Variants in KAZN observed in about 807,000 individuals in gnomAD.
KAZN encodes kazrin.
Under a neutral mutation model 87.4 loss-of-function variants are expected in KAZN, and 40 were observed. That is an observed-to-expected ratio of 0.46 (90% CI 0.36 to 0.60). The LOEUF is 0.60. KAZN is among the 20% of genes least tolerant of loss of function. KAZN has a pLI of 0.00. For synonymous variants in KAZN, 466 were observed against 458.3 expected, an observed-to-expected ratio of 1.02 and a Z score of -0.22; for missense variants, 898 against 1,073.9, an observed-to-expected ratio of 0.84 and a Z score of 2.29.
chr1:13,953,109 C>T (rs557228299), intron 1 of KAZN, among the ~76,000 whole-genome samples: 3 of 152,116 alleles, frequency 2.0e-5, no homozygotes, highest in South Asian at 4.2e-4. Flanking sequence ...GAACGGCCCC[C>T]GAATTCAATA....
Position 15,117,898 on chromosome 1 carries a change from C to T in KAZN, c.*3263C>T, listed in dbSNP as rs950192081. 6.6e-5 allele frequency: 10 copies of T among 152,196 alleles called. No individual in the cohort carries two copies. Among genetic ancestry groups the T allele is most frequent in the African/African-American group, 2.4e-4 (10 of 41,450 alleles). The allele number at this position is 152,196 out of a possible 1,614,324, so 9.4% of individuals were successfully genotyped here. ...ATGGCTGGCCAGCGAGGAGAATCTC[C>T]CGAGCCCTGACACACAAAGGCATTT... On this transcript the variant is annotated 3_prime_UTR_variant, in exon 15 of 15. Transcript: ENST00000376030.
intron 1 of KAZN, among the ~76,000 whole-genome samples, chr1:14,022,497 AAAAAAAAAAAAAAAAAAG>A (rs1297313110): frequency 4.1e-5 from 4 of 96,678 alleles, no homozygotes; most frequent in Non-Finnish European, 4.5e-5. Context: ...AAAAAAAAAA[AAAAAAAAAAAAAAAAAAG>A]AAAAAAAGAA....
chr1:14,377,359 A>C (rs1571444615), intron 2 of KAZN, among the ~76,000 whole-genome samples: 2 of 152,244 alleles, frequency 1.3e-5, no homozygotes, highest in South Asian at 4.1e-4. Context: ...AGGGGCCACC[A>C]CATCAGTGGA....
At chr1:15,012,009 G>A (rs1031640340) in intron 2 of KAZN, among the ~76,000 whole-genome samples, 1 of 152,164 alleles carries the variant, frequency 6.6e-6, no homozygotes, top group South Asian at 2.1e-4. Flanking sequence ...GCCTCAGGCT[G>A]CATCTGTTCT....
intron 1 of KAZN, among the ~76,000 whole-genome samples, chr1:14,644,486 C>T (rs957456790): frequency 2.6e-5 from 4 of 151,946 alleles, no homozygotes; most frequent in East Asian, 1.9e-4. Context: ...CTCAGCCTCC[C>T]GAGTAGCTGG....
intron 2 of KAZN, among the ~76,000 whole-genome samples, chr1:14,414,710 T>G (rs990167540): frequency 2.7e-5 from 4 of 149,588 alleles, no homozygotes; most frequent in African/African-American, 9.9e-5. Context: ...TCTGGGAGAG[T>G]TGGAGGAGAA....
intron 2 of KAZN, among the ~76,000 whole-genome samples, chr1:14,290,558 G>A (rs570874474): frequency 5.3e-5 from 8 of 152,214 alleles, no homozygotes; most frequent in Non-Finnish European, 1.0e-4. Flanking sequence ...TACACTGTTT[G>A]TTCTAGTTAG....
chr1:14,762,315 G>A (rs1297570284), intron 1 of KAZN, among the ~76,000 whole-genome samples: 1 of 152,152 alleles, frequency 6.6e-6, no homozygotes, highest in African/African-American at 2.4e-5. Flanking sequence ...TTGACCCCAG[G>A]GATGATGTTT....
At chr1:14,244,756 A>G (rs1041850335) in intron 2 of KAZN, among the ~76,000 whole-genome samples, 1 of 152,034 alleles carries the variant, frequency 6.6e-6, no homozygotes, top group African/African-American at 2.4e-5. Context: ...GTGAGAATTG[A>G]TGGTGAACAG....
At chr1:14,042,892 A>T (rs2101410678) in intron 1 of KAZN, among the ~76,000 whole-genome samples, 1 of 152,342 alleles carries the variant, frequency 6.6e-6, no homozygotes, top group East Asian at 1.9e-4. Context: ...TGTCATAATG[A>T]TCATTATTAA....
intron 1 of KAZN, among the ~76,000 whole-genome samples, chr1:13,936,062 T>A (rs1355773955): frequency 3.3e-5 from 5 of 150,222 alleles, no homozygotes; most frequent in Non-Finnish European, 7.4e-5. Context: ...CTTTTTAAAT[T>A]TTTATTTTTA....
At chr1:14,165,214 C>G (rs1442217772) in intron 1 of KAZN, among the ~76,000 whole-genome samples, 3 of 151,700 alleles carry the variant, frequency 2.0e-5, no homozygotes, top group African/African-American at 4.8e-5. Context: ...ACATTGGGAG[C>G]CTTGTATTTC....
chr1:14,322,321 TCTAACCAGTTG>T (rs1656104697), intron 2 of KAZN, among the ~76,000 whole-genome samples: 1 of 152,290 alleles, frequency 6.6e-6, no homozygotes, highest in African/African-American at 2.4e-5. Context: ...CGTGGCATTC[TCTAACCAGTTG>T]CATTTGCCCA....
intron 1 of KAZN, among the ~76,000 whole-genome samples, chr1:14,176,765 T>C (rs1489057950): frequency 6.6e-6 from 1 of 152,262 alleles, no homozygotes; most frequent in Admixed American, 6.5e-5. Context: ...TTCTATTTAT[T>C]TATTATTTGT....
chr1:14,953,287 T>G (rs1310431697), intron 1 of KAZN, among the ~76,000 whole-genome samples: 2 of 152,236 alleles, frequency 1.3e-5, no homozygotes, highest in African/African-American at 4.8e-5. Flanking sequence ...TCTGCTGGCA[T>G]CCACCAAGCC....
intron 2 of KAZN, among the ~76,000 whole-genome samples, chr1:14,367,288 G>A (rs755267552): frequency 6.6e-6 from 1 of 152,080 alleles, no homozygotes; most frequent in East Asian, 1.9e-4. Flanking sequence ...GGAGCGAGAA[G>A]GTATTCTTCC....
chr1:15,111,146 CCATT>C (rs1339446125), intron 13 of KAZN, among the ~76,000 whole-genome samples: 3 of 152,148 alleles, frequency 2.0e-5, no homozygotes, highest in Non-Finnish European at 2.9e-5. Flanking sequence ...AGCTCATTTG[CCATT>C]CAATCAGTGC....
At chr1:13,935,463 C>T (rs1293024807) in intron 1 of KAZN, among the ~76,000 whole-genome samples, 6 of 152,170 alleles carry the variant, frequency 3.9e-5, no homozygotes, top group African/African-American at 9.7e-5. Context: ...ATCTTGACTG[C>T]TGTGCTATGC....
intron 1 of KAZN, among the ~76,000 whole-genome samples, chr1:14,818,595 G>C (rs1195410631): frequency 6.6e-6 from 1 of 152,204 alleles, no homozygotes; most frequent in Non-Finnish European, 1.5e-5. Context: ...CGGGTTTTTG[G>C]AAATGCAAAG....
Sources: allele counts gnomAD v4.1 joint callset (sites outside exome capture counted in the v4.1 genomes callset), GRCh38; gene constraint gnomAD v4.1.1; transcripts MANE v1.5; gene names NCBI Gene and HGNC (gene_info 2026-07-23, HGNC 2026-07-21).